The following ANKS1B variants were observed in gnomAD, a reference collection of about 807,000 sequenced individuals.
ANKS1B encodes ankyrin repeat and sterile alpha motif domain containing 1B.
Under a neutral mutation model 148.3 loss-of-function variants are expected in ANKS1B, and 36 were observed. The ratio of observed to expected loss-of-function variants is 0.24; its 90% CI spans 0.19 to 0.32. The LOEUF (loss-of-function observed/expected upper bound fraction) is 0.32. ANKS1B is among the 10% of genes least tolerant of loss of function. The pLI is 1.00. For missense variants in ANKS1B, 1,157 were observed against 1,542.6 expected (o/e 0.75, Z 4.19); for synonymous variants, 542 against 560.8 (o/e 0.97, Z 0.47).
chr12:99,055,206 G>A (rs979865292), intron 16 of ANKS1B, among the ~76,000 whole-genome samples: 2 of 152,186 alleles, frequency 1.3e-5, no homozygotes, highest in East Asian at 3.9e-4. Flanking sequence ...TTAAAAGGTG[G>A]TTGAACTAAC....
intron 8 of ANKS1B, among the ~76,000 whole-genome samples, chr12:99,768,135 T>G (rs773845318): frequency 6.6e-6 from 1 of 152,192 alleles, no homozygotes; most frequent in Non-Finnish European, 1.5e-5. Context: ...CTACAAAACA[T>G]ATTTCCTTAC....
At chr12:98,768,598 C>G (rs1052929348) in intron 25 of ANKS1B, among the ~76,000 whole-genome samples, 15 of 151,512 alleles carry the variant, frequency 9.9e-5, no homozygotes, top group Middle Eastern at 3.2e-3. Context: ...GCCGGGCGTG[C>G]TGGCGGGTGC....
chr12:99,275,342 A>ACTATCCTT (rs1049571577), intron 12 of ANKS1B, among the ~76,000 whole-genome samples: 3 of 152,050 alleles, frequency 2.0e-5, no homozygotes, highest in African/African-American at 7.2e-5. Flanking sequence ...CCCTGTCCCC[A>ACTATCCTT]CTATCCTTCC....
Position 99,659,412 on chromosome 12 carries a change from A to G in ANKS1B, c.1129-4202T>C, listed in dbSNP as rs986583913. 1.8e-3 allele frequency among the ~76,000 whole-genome samples: 273 copies of G among 149,132 alleles called. 1 individual carries two copies. The highest frequency in any genetic ancestry group is 2.7e-3 in the Non-Finnish European group (183 of 67,346). On this transcript the variant is annotated intron_variant, in intron 8 of 26. Transcript: ENST00000683438. ...TGTGAAAATTCTACTATAAAAAAAAATAGACCTAAATCTATACAGTTTGAA... is the reference window on the plus strand; with the variant it reads ...TGTGAAAATTCTACTATAAAAAAAAGTAGACCTAAATCTATACAGTTTGAA...
chr12:99,463,746 C>A (rs1030170422), intron 10 of ANKS1B, among the ~76,000 whole-genome samples: 3 of 152,200 alleles, frequency 2.0e-5, no homozygotes, highest in Admixed American at 2.0e-4. Flanking sequence ...GGAGGGGCGC[C>A]CGCCATTGCC....
intron 14 of ANKS1B, among the ~76,000 whole-genome samples, chr12:99,240,024 C>G (rs922361349): frequency 6.6e-6 from 1 of 152,050 alleles, no homozygotes; most frequent in Non-Finnish European, 1.5e-5. Context: ...GGCAAAATAA[C>G]CAGCTAACAT....
Position 99,353,311 on chromosome 12 carries a change from A to C in ANKS1B, c.1756+46320T>G, listed in dbSNP as rs550306946. Among the ~76,000 whole-genome samples, 5 of 152,160 alleles carry C rather than the reference A, an allele frequency of 3.3e-5. No homozygotes were observed. The East Asian group carries it at 9.7e-4, about 29-fold the overall frequency. On this transcript the variant is annotated intron_variant, in intron 12 of 26. Transcript: ENST00000683438. ...GAGATAATACCAATCTTATAAATTT[A>C]TGAAGGAGAGTAAATGTGTGTGTTG...
At chr12:98,743,545 C>T (rs1593245238), downstream of ANKS1B, among the ~76,000 whole-genome samples, 1 of 152,140 alleles carries the variant, frequency 6.6e-6, no homozygotes, top group African/African-American at 2.4e-5. Context: ...CTCATCTGCC[C>T]CCTGCAGGCC....
At chr12:98,981,265 A>G (rs1224837362) in intron 17 of ANKS1B, among the ~76,000 whole-genome samples, 1 of 152,012 alleles carries the variant, frequency 6.6e-6, no homozygotes, top group Non-Finnish European at 1.5e-5. Context: ...AGCCTCCTAA[A>G]GTGCTGGGAT....
At chr12:99,326,979 A>AT (rs2086427288) in intron 12 of ANKS1B, among the ~76,000 whole-genome samples, 2 of 142,032 alleles carry the variant, frequency 1.4e-5, no homozygotes, top group Non-Finnish European at 3.0e-5. Context: ...ACAAACCTAG[A>AT]TTTTATATAT....
chr12:99,662,351 T>G (rs954567085), intron 8 of ANKS1B, among the ~76,000 whole-genome samples: 1 of 152,198 alleles, frequency 6.6e-6, no homozygotes, highest in Non-Finnish European at 1.5e-5. Context: ...ATAGTTACTG[T>G]GTGACTTTGG....
chr12:99,339,368 T>A (rs987900884), intron 12 of ANKS1B, among the ~76,000 whole-genome samples: 4 of 152,034 alleles, frequency 2.6e-5, no homozygotes, highest in African/African-American at 9.7e-5. Flanking sequence ...ACACACAAAT[T>A]CTCTCTCCAT....
chr12:98,869,682 T>TGCACATACATACACAC (rs71081887), intron 17 of ANKS1B, among the ~76,000 whole-genome samples: 122 of 151,636 alleles, frequency 8.0e-4, no homozygotes, highest in African/African-American at 2.8e-3. Flanking sequence ...GTGGAATGCA[T>TGCACATACATACACAC]ACATATGTAT....
At chr12:99,017,379 T>A (rs913443360) in intron 17 of ANKS1B, among the ~76,000 whole-genome samples, 2 of 152,076 alleles carry the variant, frequency 1.3e-5, no homozygotes, top group Non-Finnish European at 2.9e-5. Context: ...ATAGGCATAG[T>A]TTTTATCAGC....
At chr12:99,221,880 C>T (rs1375149254) in intron 14 of ANKS1B, among the ~76,000 whole-genome samples, 3 of 151,972 alleles carry the variant, frequency 2.0e-5, no homozygotes, top group Non-Finnish European at 2.9e-5. Flanking sequence ...TTCATTGCAG[C>T]ATTGTTTATA....
At position 98,807,830 on chromosome 12, in the gene ANKS1B, A is replaced by G. The variant is rs1216077957; in HGVS notation, c.3141+14T>C. On this transcript the variant is annotated intron_variant, in intron 20 of 26. Coordinates refer to ENST00000683438, the MANE Select transcript of ANKS1B (RefSeq NM_001352186.2). Reference sequence around the variant, plus strand: ...GCAAGTTCAGGAGAAGAAAAGAACCATTTGTAACCTTACATTATGAACCTG... The same window carrying G: ...GCAAGTTCAGGAGAAGAAAAGAACCGTTTGTAACCTTACATTATGAACCTG... The G allele has an allele frequency of 4.3e-6, 7 of 1,611,290 alleles. No homozygotes were observed. The African/African-American group carries it at 5.3e-5, about 12-fold the overall frequency.
At chr12:98,803,002 T>G (rs1433739698) in intron 20 of ANKS1B, among the ~76,000 whole-genome samples, 1 of 152,158 alleles carries the variant, frequency 6.6e-6, no homozygotes, top group Admixed American at 6.5e-5. Context: ...CCCTGACTCA[T>G]TCTTGAGTTT....
At chr12:99,950,567 A>C (rs561831187) in intron 1 of ANKS1B, among the ~76,000 whole-genome samples, 1 of 152,266 alleles carries the variant, frequency 6.6e-6, no homozygotes, top group Non-Finnish European at 1.5e-5. Flanking sequence ...ATGCTTATAA[A>C]AATGTTATTT....
chr12:99,180,348 C>T (rs1362309756), intron 14 of ANKS1B, among the ~76,000 whole-genome samples: 1 of 152,178 alleles, frequency 6.6e-6, no homozygotes, highest in Non-Finnish European at 1.5e-5. Context: ...ATCTCTGTGT[C>T]CCACACAGTA....
Sources: gnomAD v4.1 joint callset for allele counts (sites outside exome capture counted in the v4.1 genomes callset) on GRCh38, gnomAD v4.1.1 for gene constraint, MANE v1.5 for transcripts, NCBI Gene and HGNC (gene_info 2026-07-23, HGNC 2026-07-21) for gene names.